The following PRMT9 variants were observed in gnomAD, a reference collection of about 807,000 sequenced individuals.
PRMT9 encodes the protein protein arginine methyltransferase 9.
Under a neutral mutation model 83.2 loss-of-function variants are expected in PRMT9, and 59 were observed. The ratio of observed to expected loss-of-function variants is 0.71; its 90% CI spans 0.57 to 0.88. The LOEUF is 0.88. PRMT9 is among the 40% of genes least tolerant of loss of function. The pLI, the probability that PRMT9 is intolerant of heterozygous loss-of-function variation, is 0.00. For missense variants in PRMT9, 947 were observed against 1,021.9 expected (o/e 0.93, Z 1.00); for synonymous variants, 333 against 353.2 (o/e 0.94, Z 0.64).
chr4:147,648,445 C>T (rs999536572), intron 9 of PRMT9, among the ~76,000 whole-genome samples: 1 of 152,212 alleles, frequency 6.6e-6, no homozygotes, highest in African/African-American at 2.4e-5. Context: ...CATGGAAGCC[C>T]CATGCCACTT....
chr4:147,651,271 A>G (rs1283672714), intron 9 of PRMT9, among the ~76,000 whole-genome samples: 2 of 152,206 alleles, frequency 1.3e-5, no homozygotes, highest in Non-Finnish European at 1.5e-5. Context: ...ACCTTAAACT[A>G]TAGAACTTCT....
chr4:147,673,811 G>T lies in PRMT9; in HGVS notation c.402C>A (p.Phe134Leu). The change falls in exon 3 of 12, where the codon TTC becomes TTA. Residue 134 changes from phenylalanine (F) to leucine (L), a missense_variant. Physicochemically the swap from Phe to Leu is conservative, Grantham distance 22. Coordinates refer to ENST00000322396, the MANE Select transcript of PRMT9 (RefSeq NM_138364.4). ...GATAAAAATTCTCCTTTGCATCACTGAAATCAGGGTTTAGCTTCACTGCTT... is the reference window on the plus strand; with the variant it reads ...GATAAAAATTCTCCTTTGCATCACTTAAATCAGGGTTTAGCTTCACTGCTT... ...FHKAVKLNPD[F>L]SDAKENFYRV... is the part of the protein sequence containing the mutation. 1.2e-6 allele frequency: 2 copies of T among 1,614,142 alleles called. No individual in the cohort carries two copies. Among genetic ancestry groups the T allele is most frequent in the South Asian group, 1.1e-5 (1 of 91,078 alleles).
intron 2 of PRMT9, among the ~76,000 whole-genome samples, chr4:147,678,136 A>C (rs1736216798): frequency 6.6e-6 from 1 of 152,232 alleles, no homozygotes; most frequent in African/African-American, 2.4e-5. Context: ...CAAAGGTAGC[A>C]GATTGATTGT....
At chr4:147,649,174 GGAGAGAGAGAAGAGGGAGA>G (rs1213412304) in intron 9 of PRMT9, among the ~76,000 whole-genome samples, 6 of 151,346 alleles carry the variant, frequency 4.0e-5, no homozygotes, top group South Asian at 2.1e-4. Flanking sequence ...GAGAAGAGGG[GGAGAGAGAGAAGAGGGAGA>G]GAGAGAGAGA....
In PRMT9 at chr4:147,680,304, T is replaced by C. The variant is rs747568849; in HGVS notation, c.338+19A>G. Reference sequence around the variant, plus strand: ...ATACAGAATAATTCTTAACAAGTAATACTAAAATCACTACAAACCTGAAGA... The same window carrying C: ...ATACAGAATAATTCTTAACAAGTAACACTAAAATCACTACAAACCTGAAGA... On this transcript the variant is annotated intron_variant, in intron 2 of 11. Transcript: ENST00000322396. 2 of 1,611,194 alleles carry C rather than the reference T, an allele frequency of 1.2e-6. No individual in the cohort carries two copies. The highest frequency in any genetic ancestry group is 1.1e-5 in the South Asian group (1 of 91,020).
chr4:147,657,728 C>A, intron 8 of PRMT9, 64 bp downstream of exon 8: 1 of 1,265,206 alleles, frequency 7.9e-7, no homozygotes, highest in African/African-American at 1.5e-5. Context: ...TTTTTTTTTG[C>A]CACTGACTTG....
At position 147,654,399 on chromosome 4, in the gene PRMT9, A is replaced by G; in HGVS notation, c.1498T>C (p.Cys500Arg). The change falls in exon 9 of 12, where the codon TGT becomes CGT. Residue 500 changes from cysteine to arginine, a missense_variant. Physicochemically the swap from Cys to Arg is radical, Grantham distance 180. Coordinates refer to ENST00000322396, the MANE Select transcript of PRMT9 (RefSeq NM_138364.4). ...GTCTGAAGGTTAGCGAGGGCACTAC[A>G]AAGTTCAGCCTCATTTCCTAACGAT... ...LLSLGNEAEL[C>R]SALANLQTSK... is the part of the protein sequence containing the mutation. 1 of 1,614,194 alleles carries G rather than the reference A, an allele frequency of 6.2e-7. No individual in the cohort carries two copies. The highest frequency in any genetic ancestry group is 8.5e-7 in the Non-Finnish European group (1 of 1,180,024).
chr4:147,662,066 G>T (rs1251276956), intron 6 of PRMT9, among the ~76,000 whole-genome samples: 1 of 151,986 alleles, frequency 6.6e-6, no homozygotes, highest in Non-Finnish European at 1.5e-5. Flanking sequence ...ATCACCAAAA[G>T]AATGTTCAAG....
At position 147,639,082 on chromosome 4, in the gene PRMT9, C is replaced by G. The variant is rs770627113; in HGVS notation, c.2200G>C (p.Val734Leu). 6.2e-7 allele frequency: 1 copy of G among 1,613,184 alleles called. No individual in the cohort carries two copies. The highest frequency in any genetic ancestry group is 2.2e-5 in the East Asian group (1 of 44,760). Residue 734 changes from valine (V) to leucine (L), a missense_variant and splice_region_variant, in exon 11 of 12, where the codon GTA becomes CTA. Transcript: ENST00000322396. ...NIAPFINQFQ[V>L]PIRVFLDLSS... ...AGGTCCAAAAATACACGTATAGGTA[C>G]CTAGAGAAAGTATAAATTTTTCACT...
intron 6 of PRMT9, among the ~76,000 whole-genome samples, chr4:147,667,961 G>C (rs1735453927): frequency 6.8e-6 from 1 of 147,690 alleles, no homozygotes. Context: ...AAAAAAACTG[G>C]CTTTAACCAT....
At position 147,673,740 on chromosome 4, in the gene PRMT9, T is replaced by C. The variant is rs757355823; in HGVS notation, c.473A>G (p.Asn158Ser). 2 of 1,614,064 alleles carry C rather than the reference T, an allele frequency of 1.2e-6. No homozygotes were observed. The highest frequency in any genetic ancestry group is 1.7e-6 in the Non-Finnish European group (2 of 1,179,930). Residue 158 changes from asparagine (N) to serine (S), a missense_variant, in exon 3 of 12, where the codon AAT becomes AGT. By Grantham distance (46) the Asn-to-Ser change is conservative. Coordinates refer to ENST00000322396, the MANE Select transcript of PRMT9 (RefSeq NM_138364.4). ...LVERWHFIML[N>S]DTKRNTIYNA... ...ATAAATTGTATTCCTCTTGGTGTCA[T>C]TAAGCATGATAAAGTGCCAGCGTTC...
rs1733500346 is a variant in PRMT9, at chr4:147,642,883, C to T, written c.2103G>A (p.Leu701=). 6.2e-7 allele frequency: 1 copy of T among 1,614,040 alleles called. No individual in the cohort carries two copies. Among genetic ancestry groups the T allele is most frequent in the Non-Finnish European group, 8.5e-7 (1 of 1,179,888 alleles). Reference sequence around the variant, plus strand: ...CTAGGAGTGTCTGTGATTCCACAAGCAACCCAAACATCAGCACATACTGAG... The same window carrying T: ...CTAGGAGTGTCTGTGATTCCACAAGTAACCCAAACATCAGCACATACTGAG... ...IFPQYVLMFG[L]LVESQTLLEE... Residue 701 remains leucine (L), a synonymous_variant, in exon 10 of 12, where the codon TTG becomes TTA. Coordinates refer to ENST00000322396, the MANE Select transcript of PRMT9 (RefSeq NM_138364.4).
intron 10 of PRMT9, 78 bp from the exon 11 acceptor site, chr4:147,639,160 CT>C: frequency 2.0e-6 from 3 of 1,468,298 alleles, no homozygotes; most frequent in Admixed American, 1.7e-5. Context: ...TTACACATTC[CT>C]TTTGTGGTCA....
intron 7 of PRMT9, 85 bp from the exon 8 acceptor site, chr4:147,658,060 G>T (rs925426055): frequency 6.3e-6 from 6 of 954,910 alleles, no homozygotes; most frequent in Non-Finnish European, 9.8e-6. Context: ...CATCTCTGGA[G>T]TTCTTAGTCC....
chr4:147,661,192 T>TA (rs955034572), intron 6 of PRMT9, 154 bp from the exon 7 acceptor site: 4 of 602,010 alleles, frequency 6.6e-6, no homozygotes, highest in Non-Finnish European at 1.2e-5. Context: ...CACACACATA[T>TA]AAAACCACTA....
At chr4:147,648,267 C>T (rs1733859904) in intron 9 of PRMT9, among the ~76,000 whole-genome samples, 2 of 152,066 alleles carry the variant, frequency 1.3e-5, no homozygotes, top group Non-Finnish European at 2.9e-5. Flanking sequence ...AACCCACTAG[C>T]CTCCAGAGAG....
At chr4:147,638,887 T>C in intron 11 of PRMT9, 73 bp downstream of exon 11, 1 of 1,443,516 alleles carries the variant, frequency 6.9e-7, no homozygotes, top group Non-Finnish European at 9.7e-7. Flanking sequence ...AAAGTATGTA[T>C]AAAAGTATTA....
At chr4:147,668,215 A>G (rs1200434510) in intron 6 of PRMT9, among the ~76,000 whole-genome samples, 1 of 152,104 alleles carries the variant, frequency 6.6e-6, no homozygotes, top group Non-Finnish European at 1.5e-5. Context: ...TGAGGGAGGG[A>G]AGTGACTGGA....
Position 147,683,791 on chromosome 4 carries a change from A to T in PRMT9, c.189+8T>A. The T allele has an allele frequency of 6.5e-7, 1 of 1,542,274 alleles. No individual in the cohort carries two copies. The highest frequency in any genetic ancestry group is 8.8e-7 in the Non-Finnish European group (1 of 1,140,602). On this transcript the variant is annotated splice_region_variant and intron_variant, in intron 1 of 11. Transcript: ENST00000322396. ...ATCTGCCAGCAAGTGAGAAAAAAGG[A>T]CCCTCACCTTCACGTCGTGTTTCAG...
Sources: gnomAD v4.1 joint callset for allele counts (sites outside exome capture counted in the v4.1 genomes callset) on GRCh38, gnomAD v4.1.1 for gene constraint, MANE v1.5 for transcripts, NCBI Gene and HGNC (gene_info 2026-07-23, HGNC 2026-07-21) for gene names.